Variants in RNF123 observed in about 807,000 individuals in gnomAD.
RNF123 encodes the protein E3 ubiquitin-protein ligase RNF123.
Under a neutral mutation model 168.5 loss-of-function variants are expected in RNF123, and 86 were observed. The observed-to-expected ratio is 0.51, with a 90% CI of 0.43 to 0.61. The LOEUF is 0.61. Among genes scored for constraint, RNF123 ranks in the 20% least tolerant of loss-of-function variants. The pLI is 0.00. For missense variants in RNF123, 1,419 were observed against 1,729.7 expected, an observed-to-expected ratio of 0.82 and a Z score of 3.19; for synonymous variants, 666 against 689.1, an observed-to-expected ratio of 0.97 and a Z score of 0.52.
At chr3:49,717,781 CCT>C (rs1438871934) in intron 35 of RNF123, 8 of 738,916 alleles carry the variant, frequency 1.1e-5, no homozygotes, top group African/African-American at 3.5e-5. Context: ...GACCACAACC[CCT>C]GTCTCTACCA....
At chr3:49,700,174 G>A (rs1359371424) in intron 12 of RNF123, 53 bp from the exon 13 acceptor site, 10 of 1,608,502 alleles carry the variant, frequency 6.2e-6, no homozygotes, top group Admixed American at 1.7e-5. Flanking sequence ...GGGCAGGGGT[G>A]CCTTGACCAG....
rs2054342931 is a variant in RNF123 at position 49,699,879 on chromosome 3, A to G, written c.984+107A>G. 1 of 1,208,050 alleles carries G rather than the reference A, an allele frequency of 8.3e-7. No homozygotes were observed. The highest frequency in any genetic ancestry group is 1.5e-5 in the African/African-American group (1 of 66,988). 74.8% of individuals were successfully genotyped at this position (1,208,050 alleles called of 1,614,324 possible). A position where few individuals can be genotyped will look rare whatever the true frequency, so the allele number is the denominator to read the frequency against. The stretch of plus-strand genomic sequence containing the variant: ...GGCTGCAGTGCTGAGGTCCCACAGC[A>G]TCACCTGGCGAGGGCCCCATGTGAC... On this transcript the variant is annotated intron_variant, in intron 12 of 38. Coordinates refer to ENST00000327697, the MANE Select transcript of RNF123 (RefSeq NM_022064.5). The surrounding 1 kb of genome is among the most constrained non-coding windows in gnomAD (Gnocchi z 4.8).
rs1434301263 is a variant in RNF123, at chr3:49,718,421, G to A, written c.3500+1944G>A. ...GGCCCAGTGGCCAGGCACACGAAGA[G>A]TCCCGCATGCTGCTCCTGTACGTTG... is the stretch of plus-strand genomic sequence containing the variant. On this transcript the variant is annotated intron_variant, in intron 35 of 38. Coordinates refer to ENST00000327697, the MANE Select transcript of RNF123 (RefSeq NM_022064.5). 6 of 1,613,014 alleles carry A rather than the reference G, an allele frequency of 3.7e-6. No homozygotes were observed. The Admixed American group carries it at 8.3e-5, about 22-fold the overall frequency.
intron 35 of RNF123, chr3:49,719,219 G>A (rs527254009): frequency 1.9e-6 from 3 of 1,613,142 alleles, no homozygotes; most frequent in South Asian, 1.1e-5. Context: ...TGGAAGAGGG[G>A]CGCCAACCAG....
chr3:49,699,787 G>A lies in RNF123; in HGVS notation c.984+15G>A. On this transcript the variant is annotated intron_variant, in intron 12 of 38. Transcript: ENST00000327697. The surrounding 1 kb of genome is among the most constrained non-coding windows in gnomAD (Gnocchi z 4.8). ...CACCGCTTCTGGTGAGCGGCATTGG[G>A]AGGGGCATGGGAGGGGAGGAGACAG... is the stretch of plus-strand genomic sequence containing the variant. 1 of 1,610,896 alleles carries A rather than the reference G, an allele frequency of 6.2e-7. No homozygotes were observed. The highest frequency in any genetic ancestry group is 8.5e-7 in the Non-Finnish European group (1 of 1,178,328).
In RNF123 at chr3:49,700,095, A is replaced by G. The variant is rs2054348898; in HGVS notation, c.985-132A>G. On this transcript the variant is annotated intron_variant, in intron 12 of 38. Coordinates refer to ENST00000327697, the MANE Select transcript of RNF123 (RefSeq NM_022064.5). Reference sequence around the variant, plus strand: ...CCTCAGTCAGACCCCGGAAGGGGTCATCTATGTTTGGTGTTGCTCGAGTGG... The same window carrying G: ...CCTCAGTCAGACCCCGGAAGGGGTCGTCTATGTTTGGTGTTGCTCGAGTGG... The G allele has an allele frequency of 6.8e-6, 9 of 1,318,320 alleles. No homozygotes were observed. In the South Asian group the frequency reaches 1.3e-4, roughly 19 times the overall value. 81.7% of individuals were successfully genotyped at this position (1,318,320 alleles called of 1,614,324 possible). A position where few individuals can be genotyped will look rare whatever the true frequency, so the allele number is the denominator to read the frequency against.
rs769160971 is a variant in RNF123 at position 49,697,217 on chromosome 3, G to A, written c.242G>A (p.Ser81Asn). Reference protein sequence around the residue: ...LLQVDNEEEESQGQVEGRLGP... With the variant: ...LLQVDNEEEENQGQVEGRLGP... The stretch of plus-strand genomic sequence containing the variant: ...CAGGTGGACAATGAGGAGGAGGAAA[G>A]CCAGGGTATGTGGCCACCTCTGGAG... The change falls in exon 4 of 39, where the codon AGC (serine) becomes AAC (asparagine). Residue 81 changes from serine to asparagine, a missense_variant. Transcript: ENST00000327697. The A allele has an allele frequency of 1.9e-6, 3 of 1,614,020 alleles. No homozygotes were observed. Among genetic ancestry groups the A allele is most frequent in the Admixed American group, 1.7e-5 (1 of 60,020 alleles).
rs771169244 is a variant in RNF123 at position 49,716,409 on chromosome 3, C to T, written c.3432C>T (p.Asp1144=). 6.2e-7 allele frequency: 1 copy of T among 1,614,016 alleles called. No individual in the cohort carries two copies. The highest frequency in any genetic ancestry group is 2.2e-5 in the East Asian group (1 of 44,874). The change falls in exon 35 of 39, where the codon GAC becomes GAT. Residue 1144 remains aspartate, a synonymous_variant. Transcript: ENST00000327697. ...TCCCCTCAGGCCTAGAGAGCGTGGA[C>T]CACTATCCCATTCTGGTGGCAGTGA... ...TLRLPGLESV[D]HYPILVAVTG...
intron 3 of RNF123, among the ~76,000 whole-genome samples, chr3:49,694,260 A>G (rs528361243): frequency 6.6e-6 from 1 of 152,368 alleles, no homozygotes; most frequent in South Asian, 2.1e-4. Context: ...CAATTTGATA[A>G]GTGTTAACAT....
chr3:49,720,421 G>T, intron 35 of RNF123, 90 bp from the exon 36 acceptor site: 2 of 1,324,144 alleles, frequency 1.5e-6, no homozygotes, highest in East Asian at 2.4e-5. Flanking sequence ...GATCATGTAC[G>T]AGCCATGGCA....
rs77599182 is a variant in RNF123, at chr3:49,720,630, G to A, written c.3620G>A (p.Arg1207Gln). 2.4e-3 allele frequency: 3,870 copies of A among 1,601,558 alleles called. 29 individuals are homozygous for A. The highest frequency in any genetic ancestry group is 0.018 in the East Asian group (810 of 44,658). ...GGCACTGCTCTGCCAGCCCCTGACCGGAAGCGCTTCTCCCTGCAGAGCTGT... is the reference window on the plus strand; with the variant it reads ...GGCACTGCTCTGCCAGCCCCTGACCAGAAGCGCTTCTCCCTGCAGAGCTGT... ...APGTALPAPD[R>Q]KRFSLQSYAD... The change falls in exon 36 of 39, where the codon CGG (arginine) becomes CAG (glutamine). Residue 1207 changes from arginine (R) to glutamine (Q), a missense_variant. Coordinates refer to ENST00000327697, the MANE Select transcript of RNF123 (RefSeq NM_022064.5).
chr3:49,703,616 C>G (rs2054454158), intron 21 of RNF123, 88 bp downstream of exon 21: 2 of 1,039,524 alleles, frequency 1.9e-6, no homozygotes, highest in Admixed American at 4.6e-5. Flanking sequence ...GCTGAGCCAT[C>G]CTATGGCCAC....
At position 49,699,869 on chromosome 3, in the gene RNF123, G is replaced by T; in HGVS notation, c.984+97G>T. ...CCTCACTGAGGGCTGCAGTGCTGAG[G>T]TCCCACAGCATCACCTGGCGAGGGC... On this transcript the variant is annotated intron_variant, in intron 12 of 38. Coordinates refer to ENST00000327697, the MANE Select transcript of RNF123 (RefSeq NM_022064.5). This position sits in a 1 kb window ranked among gnomAD's most constrained non-coding sequence, Gnocchi z 4.8. 7.9e-7 allele frequency: 1 copy of T among 1,271,146 alleles called. No individual in the cohort carries two copies. The highest frequency in any genetic ancestry group is 1.1e-6 in the Non-Finnish European group (1 of 892,072). 78.7% of individuals were successfully genotyped at this position (1,271,146 alleles called of 1,614,324 possible).
At chr3:49,693,466 C>T (rs1311603996) in intron 3 of RNF123, among the ~76,000 whole-genome samples, 1 of 147,302 alleles carries the variant, frequency 6.8e-6, no homozygotes, top group Non-Finnish European at 1.5e-5. Context: ...TAGTAATTCT[C>T]CTGCCTCAGC....
rs1342319325 is a variant in RNF123 at position 49,705,983 on chromosome 3, T to C, written c.2306T>C (p.Met769Thr). Reference sequence around the variant, plus strand: ...GACATGTGGTCCCATGCTGTGTAGATGGTGGGTGTCTCCGATGATGTCAAT... The same window carrying C: ...GACATGTGGTCCCATGCTGTGTAGACGGTGGGTGTCTCCGATGATGTCAAT... ...NLSVHQQLGK[M>T]VGVSDDVNEY... is the part of the protein sequence containing the mutation. The change falls in exon 25 of 39, where the codon ATG becomes ACG. Residue 769 changes from methionine (M) to threonine (T), a missense_variant and splice_region_variant. By Grantham distance (81) the Met-to-Thr change is moderately conservative (BLOSUM62 -1). Transcript: ENST00000327697. The C allele has an allele frequency of 2.5e-6, 4 of 1,613,274 alleles. No individual in the cohort carries two copies. The highest frequency in any genetic ancestry group is 3.3e-5 in the Admixed American group (2 of 59,990).
intron 9 of RNF123, 40 bp from the exon 10 acceptor site, chr3:49,698,940 C>G: frequency 6.2e-7 from 1 of 1,610,462 alleles, no homozygotes; most frequent in South Asian, 1.1e-5. Flanking sequence ...TGGGCAGCCA[C>G]ATGCTTAGCA....
intron 35 of RNF123, chr3:49,716,824 C>G: frequency 4.0e-6 from 1 of 248,972 alleles, no homozygotes; most frequent in Non-Finnish European, 7.9e-6. Flanking sequence ...CACGGAGGAC[C>G]GCCATTGTCT....
intron 20 of RNF123, 36 bp from the exon 21 acceptor site, chr3:49,703,391 C>G: frequency 6.4e-7 from 1 of 1,567,434 alleles, no homozygotes; most frequent in Non-Finnish European, 8.8e-7. Context: ...CCTACTGGGC[C>G]GTGACCACTG....
Position 49,712,583 on chromosome 3 carries a change from G to T in RNF123, c.2601G>T (p.Leu867=). 1 of 1,614,230 alleles carries T rather than the reference G, an allele frequency of 6.2e-7. No homozygotes were observed. The highest frequency in any genetic ancestry group is 8.5e-7 in the Non-Finnish European group (1 of 1,180,044). ...TTGCCTTCATGCCCGAGTTCTACCT[G>T]AGCGTGGCCATCAACAGCTACAGTG... is the stretch of plus-strand genomic sequence containing the variant. ...SLFAFMPEFY[L]SVAINSYSAL... is the part of the protein sequence containing the mutation. Residue 867 remains leucine (L), a synonymous_variant, in exon 27 of 39, where the codon CTG becomes CTT. Coordinates refer to ENST00000327697, the MANE Select transcript of RNF123 (RefSeq NM_022064.5).
Sources: allele counts gnomAD v4.1 joint callset (sites outside exome capture counted in the v4.1 genomes callset), GRCh38; gene constraint gnomAD v4.1.1; non-coding constraint Gnocchi (gnomAD v3.1); transcripts MANE v1.5; gene names NCBI Gene and HGNC (gene_info 2026-07-23, HGNC 2026-07-21).